P2RY2: variants seen among roughly 807,000 people sequenced by gnomAD.
P2RY2 encodes the protein P2Y purinoceptor 2.
For missense variants in P2RY2, 567 were observed against 515.7 expected (o/e 1.10, Z -0.96); for synonymous variants, 241 against 231.9 (o/e 1.04, Z -0.35).
intron 1 of P2RY2, among the ~76,000 whole-genome samples, chr11:73,224,112 C>A (rs1221560275): frequency 6.6e-6 from 1 of 152,202 alleles, no homozygotes; most frequent in African/African-American, 2.4e-5. Context: ...CTGATAGCAT[C>A]TGAGGTTACC....
At position 73,234,384 on chromosome 11, in the gene P2RY2, G is replaced by A. The variant is rs1862553831; in HGVS notation, c.225G>A (p.Leu75=). Reference sequence around the variant, plus strand: ...CGTCCACCACATATATGTTCCACCTGGCTGTGTCTGATGCACTGTATGCGG... The same window carrying A: ...CGTCCACCACATATATGTTCCACCTAGCTGTGTCTGATGCACTGTATGCGG... ...WNASTTYMFH[L]AVSDALYAAS... The change falls in exon 3 of 3, where the codon CTG becomes CTA. Residue 75 remains leucine, a synonymous_variant. Transcript: ENST00000393597. The A allele has an allele frequency of 6.2e-6, 10 of 1,614,120 alleles. No individual in the cohort carries two copies. The highest frequency in any genetic ancestry group is 8.5e-6 in the Non-Finnish European group (10 of 1,180,054).
rs1310296406 is a variant in P2RY2, at chr11:73,234,404, A to G, written c.245A>G (p.Tyr82Cys). The G allele has an allele frequency of 6.2e-7, 1 of 1,614,204 alleles. No individual in the cohort carries two copies. Residue 82 changes from tyrosine (Y) to cysteine (C), a missense_variant, in exon 3 of 3, where the codon TAT (tyrosine) becomes TGT (cysteine). Tyr to Cys is a radical substitution (Grantham distance 194). Coordinates refer to ENST00000393597, the MANE Select transcript of P2RY2 (RefSeq NM_002564.4). ...CACCTGGCTGTGTCTGATGCACTGTATGCGGCCTCCCTGCCGCTGCTGGTC... is the reference window on the plus strand; with the variant it reads ...CACCTGGCTGTGTCTGATGCACTGTGTGCGGCCTCCCTGCCGCTGCTGGTC... ...MFHLAVSDAL[Y>C]AASLPLLVYY...
rs964415405 is a variant in P2RY2, at chr11:73,240,903, A to C, written c.*5610A>C. 3.5e-4 allele frequency: 53 copies of C among 152,390 alleles called. No individual in the cohort carries two copies. The highest frequency in any genetic ancestry group is 1.2e-3 in the African/African-American group (49 of 41,586). 9.4% of individuals were successfully genotyped at this position (152,390 alleles called of 1,614,324 possible). ...CCCATTTTTACCAAATGTGGCTGTT[A>C]GGAACTGAATGTTTGTGTCCCCCGC... On this transcript the variant is annotated 3_prime_UTR_variant, in exon 3 of 3. Transcript: ENST00000393597.
intron 1 of P2RY2, among the ~76,000 whole-genome samples, chr11:73,224,631 C>T (rs1183921424): frequency 6.6e-6 from 1 of 152,196 alleles, no homozygotes; most frequent in Non-Finnish European, 1.5e-5. Flanking sequence ...GAAGGGTGAG[C>T]GAGTGAAAGA....
At chr11:73,219,502 T>C (rs1455874729) in intron 1 of P2RY2, among the ~76,000 whole-genome samples, 2 of 152,170 alleles carry the variant, frequency 1.3e-5, no homozygotes, top group African/African-American at 4.8e-5. Context: ...GAGTGTGTCA[T>C]GTTCAGCACC....
Position 73,240,981 on chromosome 11 carries a change from G to A in P2RY2, c.*5688G>A, listed in dbSNP as rs924935935. On this transcript the variant is annotated 3_prime_UTR_variant, in exon 3 of 3. Transcript: ENST00000393597. ...ACTGCCAAGGTGATGGTATTAGAAG[G>A]TGGGGCCTTTGGGAAGTAACCAGGT... The A allele has an allele frequency of 2.0e-5, 3 of 152,250 alleles. No individual in the cohort carries two copies. The highest frequency in any genetic ancestry group is 4.4e-5 in the Non-Finnish European group (3 of 68,072). 9.4% of individuals were successfully genotyped at this position (152,250 alleles called of 1,614,324 possible).
chr11:73,234,059 CA>C, intron 2 of P2RY2, 96 bp from the exon 3 acceptor site: 1 of 1,446,460 alleles, frequency 6.9e-7, no homozygotes. Context: ...AGATCCAAGT[CA>C]GATGGCAATG....
intron 1 of P2RY2, among the ~76,000 whole-genome samples, chr11:73,227,722 G>T (rs1790083): frequency 0.12 from 18,719 of 152,178 alleles, 1,480 homozygotes; most frequent in Middle Eastern, 0.22. Flanking sequence ...TACAGGACAT[G>T]GGGGAGACCT....
rs1034917187 is a variant in P2RY2, at chr11:73,240,453, G to A, written c.*5160G>A. The A allele has an allele frequency of 6.6e-6, 1 of 152,408 alleles. No individual in the cohort carries two copies. Among genetic ancestry groups the A allele is most frequent in the African/African-American group, 2.4e-5 (1 of 41,330 alleles). The allele number at this position is 152,408 out of a possible 1,614,324, so 9.4% of individuals were successfully genotyped here. On this transcript the variant is annotated 3_prime_UTR_variant, in exon 3 of 3. Transcript: ENST00000393597. ...CTGCTCCTTACCTCCCCACCCTGATGTCATTTCCTGGGGCTCTTAACTCCT... is the reference window on the plus strand; with the variant it reads ...CTGCTCCTTACCTCCCCACCCTGATATCATTTCCTGGGGCTCTTAACTCCT...
intron 2 of P2RY2, among the ~76,000 whole-genome samples, chr11:73,230,273 A>G (rs1862412292): frequency 2.6e-5 from 4 of 151,842 alleles, no homozygotes; most frequent in Admixed American, 2.6e-4. Context: ...CCATCAGGGA[A>G]CAGTCTCCAG....
rs146280006 is a variant in P2RY2 at position 73,229,041 on chromosome 11, C to A, written c.-5+866C>A. 4.5e-3 allele frequency among the ~76,000 whole-genome samples: 683 copies of A among 152,192 alleles called. 6 individuals are homozygous for A. The highest frequency in any genetic ancestry group is 0.015 in the African/African-American group (639 of 41,534). The stretch of plus-strand genomic sequence containing the variant: ...CATTCATTCTCTCATTCCTGTAATA[C>A]CTCCTGTGGTCAGGCCTCCTGCTGG... On this transcript the variant is annotated intron_variant, in intron 2 of 2. Coordinates refer to ENST00000393597, the MANE Select transcript of P2RY2 (RefSeq NM_002564.4).
chr11:73,234,373 A>C lies in P2RY2; in HGVS notation c.214A>C (p.Met72Leu). The C allele has an allele frequency of 6.2e-7, 1 of 1,614,114 alleles. No individual in the cohort carries two copies. The highest frequency in any genetic ancestry group is 8.5e-7 in the Non-Finnish European group (1 of 1,180,016). Reference protein sequence around the residue: ...LKTWNASTTYMFHLAVSDALY... With the variant: ...LKTWNASTTYLFHLAVSDALY... ...GACCTGGAATGCGTCCACCACATAT[A>C]TGTTCCACCTGGCTGTGTCTGATGC... Residue 72 changes from methionine (M) to leucine (L), a missense_variant, in exon 3 of 3, where the codon ATG (methionine) becomes CTG (leucine). By Grantham distance (15) the Met-to-Leu change is conservative. Transcript: ENST00000393597.
intron 2 of P2RY2, among the ~76,000 whole-genome samples, chr11:73,229,749 G>A (rs1862393383): frequency 6.6e-6 from 1 of 152,086 alleles, no homozygotes; most frequent in Non-Finnish European, 1.5e-5. Context: ...CACTGTTAGG[G>A]ATTAGCAGGA....
intron 1 of P2RY2, among the ~76,000 whole-genome samples, chr11:73,220,337 C>T (rs1035311886): frequency 2.6e-5 from 4 of 152,158 alleles, no homozygotes; most frequent in African/African-American, 7.2e-5. Flanking sequence ...ATGGTCAGAG[C>T]GGCATTTCAG....
At position 73,235,531 on chromosome 11, in the gene P2RY2, C is replaced by T; in HGVS notation, c.*238C>T. 1 of 1,257,924 alleles carries T rather than the reference C, an allele frequency of 7.9e-7. No homozygotes were observed. The highest frequency in any genetic ancestry group is 1.0e-6 in the Non-Finnish European group (1 of 994,316). 77.9% of individuals were successfully genotyped at this position (1,257,924 alleles called of 1,614,324 possible). ...TGGGGGAATTAAGTTTCAAGAAAGG[C>T]AAGAGCTCAAGGTCAATGACACCCC... On this transcript the variant is annotated 3_prime_UTR_variant, in exon 3 of 3. Coordinates refer to ENST00000393597, the MANE Select transcript of P2RY2 (RefSeq NM_002564.4).
At chr11:73,233,483 C>T (rs753743262) in intron 2 of P2RY2, among the ~76,000 whole-genome samples, 5 of 152,162 alleles carry the variant, frequency 3.3e-5, no homozygotes, top group Non-Finnish European at 7.4e-5. Context: ...TGAAGCAGGG[C>T]CAGCCAGCCT....
Position 73,234,814 on chromosome 11 carries a change from G to T in P2RY2, c.655G>T (p.Val219Leu). Residue 219 changes from valine to leucine, a missense_variant, in exon 3 of 3, where the codon GTG becomes TTG. Physicochemically the swap from Val to Leu is conservative, Grantham distance 32. Transcript: ENST00000393597. ...CTTTGCCGTCATCCTTGTCTGTTAC[G>T]TGCTCATGGCTCGGCGACTGCTAAA... ...VPFAVILVCYVLMARRLLKPA... is the reference protein window; with the variant it reads ...VPFAVILVCYLLMARRLLKPA... 1 of 1,611,824 alleles carries T rather than the reference G, an allele frequency of 6.2e-7. No homozygotes were observed.
In P2RY2 at chr11:73,234,467, C is replaced by T. The variant is rs777334338; in HGVS notation, c.308C>T (p.Thr103Met). ...YARGDHWPFS[T>M]VLCKLVRFLF... Reference sequence around the variant, plus strand: ...CGCGGCGACCACTGGCCCTTCAGCACGGTGCTCTGCAAGCTGGTGCGCTTC... The same window carrying T: ...CGCGGCGACCACTGGCCCTTCAGCATGGTGCTCTGCAAGCTGGTGCGCTTC... Residue 103 changes from threonine (T) to methionine (M), a missense_variant, in exon 3 of 3, where the codon ACG becomes ATG. By Grantham distance (81) the Thr-to-Met change is moderately conservative (BLOSUM62 -1). Transcript: ENST00000393597. 4 of 1,614,174 alleles carry T rather than the reference C, an allele frequency of 2.5e-6. No homozygotes were observed. Among genetic ancestry groups the T allele is most frequent in the South Asian group, 1.1e-5 (1 of 91,086 alleles).
At chr11:73,225,516 A>G (rs1340429171) in intron 1 of P2RY2, among the ~76,000 whole-genome samples, 1 of 152,210 alleles carries the variant, frequency 6.6e-6, no homozygotes, top group Non-Finnish European at 1.5e-5. Flanking sequence ...CTGGCAGAGA[A>G]CTGAGCAGAC....
Sources: allele counts gnomAD v4.1 joint callset (sites outside exome capture counted in the v4.1 genomes callset), GRCh38; gene constraint gnomAD v4.1.1; transcripts MANE v1.5; gene names NCBI Gene and HGNC (gene_info 2026-07-23, HGNC 2026-07-21).